PTPN9: variants seen among roughly 807,000 people sequenced by gnomAD.
PTPN9 encodes the protein tyrosine-protein phosphatase non-receptor type 9.
A neutral mutation model predicts 69.8 loss-of-function variants in PTPN9; 26 were observed. That is an observed-to-expected ratio of 0.37 (90% CI 0.27 to 0.52). The LOEUF is 0.52. PTPN9 is among the 20% of genes least tolerant of loss of function. PTPN9 has a pLI of 0.91. For missense variants in PTPN9, 549 were observed against 740.3 expected (o/e 0.74, Z 3.00); for synonymous variants, 274 against 272.5 (o/e 1.01, Z -0.05).
Position 75,522,388 on chromosome 15 carries a change from CTTTTTTGTGGGG to C in PTPN9, c.422+721_422+732del, listed in dbSNP as rs969569838. 4.9e-4 allele frequency among the ~76,000 whole-genome samples: 74 copies of C among 151,680 alleles called. 1 individual carries two copies. The highest frequency in any genetic ancestry group is 1.7e-3 in the African/African-American group (72 of 41,322). On this transcript the variant is annotated intron_variant, in intron 4 of 12. Coordinates refer to ENST00000618819, the MANE Select transcript of PTPN9 (RefSeq NM_002833.4). ...GTTGTTGTTGTTTGTTTTGTGTGGG[CTTTTTTGTGGGG>C]TTTTTTTTGAGACAGGTCTTGCTGT...
chr15:75,504,133 G>A (rs1364193408), intron 7 of PTPN9, among the ~76,000 whole-genome samples: 11 of 116,752 alleles, frequency 9.4e-5, no homozygotes, highest in African/African-American at 1.3e-4. Context: ...AGGTGGGGAG[G>A]TCAGCCCCCC....
chr15:75,481,975 G>A (rs902435105), intron 8 of PTPN9, among the ~76,000 whole-genome samples: 8 of 145,852 alleles, frequency 5.5e-5, no homozygotes, highest in Non-Finnish European at 1.1e-4. Context: ...AGCTCATTGA[G>A]AACGGGCCAG....
In PTPN9 at chr15:75,465,540, G is replaced by C. The variant is rs772285150; in HGVS notation, c.*3229C>G. 6.6e-6 allele frequency: 1 copy of C among 152,126 alleles called. No individual in the cohort carries two copies. The highest frequency in any genetic ancestry group is 2.4e-5 in the African/African-American group (1 of 41,408). 9.4% of individuals were successfully genotyped at this position (152,126 alleles called of 1,614,324 possible). A position where few individuals can be genotyped will look rare whatever the true frequency, so the allele number is the denominator to read the frequency against. On this transcript the variant is annotated 3_prime_UTR_variant, in exon 13 of 13. Coordinates refer to ENST00000618819, the MANE Select transcript of PTPN9 (RefSeq NM_002833.4). Reference sequence around the variant, plus strand: ...TAACACCTAACACAGGTAGGTTCACGCTGGTAAAAGCTACAAACAATGGCA... The same window carrying C: ...TAACACCTAACACAGGTAGGTTCACCCTGGTAAAAGCTACAAACAATGGCA...
Position 75,526,977 on chromosome 15 carries a change from A to G in PTPN9, c.207+141T>C, listed in dbSNP as rs1020263188. 4.5e-5 allele frequency: 48 copies of G among 1,065,608 alleles called. No individual in the cohort carries two copies. The African/African-American group carries it at 6.2e-4, about 14-fold the overall frequency. The allele number at this position is 1,065,608 out of a possible 1,614,324, so 66.0% of individuals were successfully genotyped here. ...TGCCTTGCCCAGCTTCAGCTCTCAC[A>G]AGGGCTCCTGGATATGGATCCATTT... On this transcript the variant is annotated intron_variant, in intron 2 of 12. Transcript: ENST00000618819.
At chr15:75,489,609 A>G (rs2074698225) in intron 8 of PTPN9, among the ~76,000 whole-genome samples, 2 of 152,172 alleles carry the variant, frequency 1.3e-5, no homozygotes, top group Admixed American at 1.3e-4. Flanking sequence ...AGTGGCTCAA[A>G]TGTGACAAAG....
At chr15:75,488,595 T>C (rs2074691929) in intron 8 of PTPN9, among the ~76,000 whole-genome samples, 2 of 150,012 alleles carry the variant, frequency 1.3e-5, no homozygotes. Context: ...CAGGAAGAAC[T>C]TAGGCAACAC....
At chr15:75,564,652 G>A (rs930530246) in intron 1 of PTPN9, among the ~76,000 whole-genome samples, 2 of 151,366 alleles carry the variant, frequency 1.3e-5, no homozygotes, top group African/African-American at 4.9e-5. Flanking sequence ...GCTCAGTAGT[G>A]TTCTCTCATG....
intron 1 of PTPN9, among the ~76,000 whole-genome samples, chr15:75,543,463 A>G (rs1284565761): frequency 2.6e-5 from 4 of 152,222 alleles, no homozygotes. Flanking sequence ...CACTGAATCC[A>G]AGTCTTTTCA....
At chr15:75,480,371 G>A (rs2074621851) in intron 8 of PTPN9, among the ~76,000 whole-genome samples, 2 of 152,136 alleles carry the variant, frequency 1.3e-5, no homozygotes, top group Admixed American at 6.5e-5. Flanking sequence ...TTGGGAGGCC[G>A]AGGAGGGTGG....
In PTPN9 at chr15:75,523,186, G is replaced by T. The variant is rs370508355; in HGVS notation, c.357C>A (p.Pro119=). The T allele has an allele frequency of 3.1e-6, 5 of 1,613,934 alleles. No homozygotes were observed. In the African/African-American group the frequency reaches 5.3e-5, roughly 17 times the overall value. ...GTACCACATGTTGGACTGACTTGTG[G>T]GGATGATGCAACCTGGCAGTAAAGA... ...IALFTARLHH[P]HKSVQHVVLQ... Residue 119 remains proline, a synonymous_variant, in exon 4 of 13, where the codon CCC becomes CCA. Transcript: ENST00000618819.
intron 1 of PTPN9, among the ~76,000 whole-genome samples, chr15:75,530,702 TA>T (rs59880040): frequency 0.095 from 2,958 of 31,168 alleles, 908 homozygotes; most frequent in African/African-American, 0.33. Flanking sequence ...ATATATATAA[TA>T]TATATTATTA....
At chr15:75,520,909 A>G (rs1489237442) in intron 4 of PTPN9, among the ~76,000 whole-genome samples, 1 of 151,122 alleles carries the variant, frequency 6.6e-6, no homozygotes, top group African/African-American at 2.5e-5. Context: ...GGCTCAGATG[A>G]TCCTCCCAGG....
intron 5 of PTPN9, among the ~76,000 whole-genome samples, chr15:75,512,233 G>A (rs1324390130): frequency 1.3e-5 from 2 of 151,276 alleles, no homozygotes; most frequent in Non-Finnish European, 2.9e-5. Context: ...TTTAAGACAG[G>A]GTTTTATCAA....
chr15:75,545,794 CA>C (rs1567515769), intron 1 of PTPN9, among the ~76,000 whole-genome samples: 2 of 152,068 alleles, frequency 1.3e-5, no homozygotes, highest in East Asian at 3.9e-4. Context: ...ACTAAAAATA[CA>C]AAAATTAGCT....
intron 1 of PTPN9, among the ~76,000 whole-genome samples, chr15:75,529,710 G>A (rs1202717156): frequency 6.6e-6 from 1 of 152,042 alleles, no homozygotes; most frequent in Admixed American, 6.6e-5. Context: ...AGGAGTTCGA[G>A]ACCAGCCTGG....
intron 1 of PTPN9, among the ~76,000 whole-genome samples, chr15:75,532,135 G>A (rs996051963): frequency 1.3e-5 from 2 of 151,996 alleles, no homozygotes; most frequent in East Asian, 1.9e-4. Context: ...ACAGTGGCTC[G>A]CCCCTGTAAA....
At position 75,578,859 on chromosome 15, in the gene PTPN9, C is replaced by G; in HGVS notation, c.-83G>C. The G allele has an allele frequency of 1.0e-6, 1 of 984,228 alleles. No individual in the cohort carries two copies. The highest frequency in any genetic ancestry group is 1.3e-6 in the Non-Finnish European group (1 of 777,284). The allele number at this position is 984,228 out of a possible 1,614,324, so 61.0% of individuals were successfully genotyped here. A position where few individuals can be genotyped will look rare whatever the true frequency, so the allele number is the denominator to read the frequency against. Reference sequence around the variant, plus strand: ...CGCTCGGCCTCCGCTTCCGCGTCCCCGCGCCTCAGCAGCCCGGGGCCGGCT... The same window carrying G: ...CGCTCGGCCTCCGCTTCCGCGTCCCGGCGCCTCAGCAGCCCGGGGCCGGCT... On this transcript the variant is annotated 5_prime_UTR_variant, in exon 1 of 13. Transcript: ENST00000618819.
chr15:75,558,131 C>A (rs1361337185), intron 1 of PTPN9, among the ~76,000 whole-genome samples: 1 of 152,184 alleles, frequency 6.6e-6, no homozygotes. Context: ...AAATCAAGAC[C>A]ATCCTGGCCA....
At chr15:75,502,899 C>T (rs184036316) in intron 7 of PTPN9, among the ~76,000 whole-genome samples, 2 of 152,186 alleles carry the variant, frequency 1.3e-5, no homozygotes, top group East Asian at 3.8e-4. Context: ...TACCAAAGAC[C>T]TTCAGAAATT....
Sources: allele counts gnomAD v4.1 joint callset (sites outside exome capture counted in the v4.1 genomes callset), GRCh38; gene constraint gnomAD v4.1.1; transcripts MANE v1.5; gene names NCBI Gene and HGNC (gene_info 2026-07-23, HGNC 2026-07-21).